The following VMP1 variants were observed in gnomAD, a reference collection of about 807,000 sequenced individuals.
VMP1 encodes vacuole membrane protein 1.
VMP1 carries 11 observed loss-of-function variants against 56.0 expected under a neutral mutation model. The ratio of observed to expected loss-of-function variants is 0.20; its 90% CI spans 0.12 to 0.32. The LOEUF is 0.32. Among genes scored for constraint, VMP1 ranks in the 10% least tolerant of loss-of-function variants. The pLI, the probability that VMP1 is intolerant of heterozygous loss-of-function variation, is 1.00. For synonymous variants in VMP1, 149 were observed against 165.0 expected (o/e 0.90, Z 0.74); for missense variants, 296 against 490.3 (o/e 0.60, Z 3.74).
intron 5 of VMP1, among the ~76,000 whole-genome samples, chr17:59,751,744 CAA>C (rs932086949): frequency 1.0e-3 from 43 of 42,556 alleles, no homozygotes; most frequent in African/African-American, 4.0e-3. Flanking sequence ...AACTCCGTCT[CAA>C]AAAAAAAAAA....
rs911722462 is a variant in VMP1, at chr17:59,729,224, C to T, written c.-26-2197C>T. On this transcript the variant is annotated intron_variant, in intron 1 of 11. Coordinates refer to ENST00000262291, the MANE Select transcript of VMP1 (RefSeq NM_030938.5). Reference sequence around the variant, plus strand: ...TATAGGCTGGGCGCAGTGGCTCACGCCTGTAATCCCAGCACTTTGTGAGGC... The same window carrying T: ...TATAGGCTGGGCGCAGTGGCTCACGTCTGTAATCCCAGCACTTTGTGAGGC... Among the ~76,000 whole-genome samples, 4 of 152,306 alleles carry T rather than the reference C, an allele frequency of 2.6e-5. No individual in the cohort carries two copies. The South Asian group carries it at 8.3e-4, about 32-fold the overall frequency.
At chr17:59,821,802 G>A (rs1598443030) in intron 10 of VMP1, among the ~76,000 whole-genome samples, 1 of 150,488 alleles carries the variant, frequency 6.6e-6, no homozygotes, top group Non-Finnish European at 1.5e-5. Context: ...CACCTGCCTG[G>A]GACTCCCAAA....
intron 1 of VMP1, among the ~76,000 whole-genome samples, chr17:59,722,241 A>G (rs1420830499): frequency 6.6e-6 from 1 of 152,180 alleles, no homozygotes; most frequent in Non-Finnish European, 1.5e-5. Context: ...TCAGATTATA[A>G]ACAAAATACT....
At chr17:59,792,433 A>G (rs547050155) in intron 7 of VMP1, among the ~76,000 whole-genome samples, 209 of 152,264 alleles carry the variant, frequency 1.4e-3, no homozygotes, top group African/African-American at 4.7e-3. Context: ...TAGTTTTCAT[A>G]GCTTTGCTTG....
At chr17:59,771,919 G>A (rs2036441247) in intron 6 of VMP1, among the ~76,000 whole-genome samples, 1 of 151,872 alleles carries the variant, frequency 6.6e-6, no homozygotes, top group South Asian at 2.1e-4. Flanking sequence ...TTTGGTTTTT[G>A]CCTATATCCA....
At chr17:59,795,040 C>G (rs1041195946) in intron 7 of VMP1, among the ~76,000 whole-genome samples, 1 of 137,762 alleles carries the variant, frequency 7.3e-6, no homozygotes, top group Admixed American at 8.0e-5. Flanking sequence ...CCTTGTCGCT[C>G]AAGCTGGAAT....
intron 10 of VMP1, 65 bp from the exon 11 acceptor site, chr17:59,838,230 A>G: frequency 7.1e-7 from 1 of 1,407,002 alleles, no homozygotes; most frequent in Non-Finnish European, 9.9e-7. Context: ...CATTTTCTTT[A>G]ACGTTTTTCC....
rs3064256 is a variant in VMP1 at position 59,713,683 on chromosome 17, C to CT, written c.-27+5954dup. 9.7e-3 allele frequency among the ~76,000 whole-genome samples: 1,051 copies of CT among 108,606 alleles called. 11 individuals are homozygous for CT. The highest frequency in any genetic ancestry group is 0.016 in the East Asian group (62 of 3,968). 71.2% of individuals were successfully genotyped at this position (108,606 alleles called of 152,430 possible). On this transcript the variant is annotated intron_variant, in intron 1 of 11. Transcript: ENST00000262291. ...GACAACATGGCAAAACCCCATCTCT[C>CT]TTTTTTTTTTTTTTTTTTTGTTAAA...
intron 10 of VMP1, among the ~76,000 whole-genome samples, chr17:59,829,227 A>G (rs1157922158): frequency 6.6e-6 from 1 of 152,166 alleles, no homozygotes; most frequent in Non-Finnish European, 1.5e-5. Flanking sequence ...CTTTTTTACT[A>G]GGTTAAATAT....
At chr17:59,790,720 G>T (rs2037194709) in intron 7 of VMP1, among the ~76,000 whole-genome samples, 1 of 152,158 alleles carries the variant, frequency 6.6e-6, no homozygotes, top group Admixed American at 6.5e-5. Context: ...GAACCCAGGG[G>T]GCAGAGGCTG....
chr17:59,735,782 A>C (rs2034994293), intron 3 of VMP1: 1 of 258,904 alleles, frequency 3.9e-6, no homozygotes, highest in Non-Finnish European at 7.7e-6. Flanking sequence ...CATTGGGAGA[A>C]ATCAGGTCTG....
Position 59,735,216 on chromosome 17 carries a change from G to A in VMP1, c.77-122G>A, listed in dbSNP as rs914328630. The A allele has an allele frequency of 9.9e-6, 13 of 1,314,076 alleles. No homozygotes were observed. The Admixed American group carries it at 2.8e-4, about 28-fold the overall frequency. The allele number at this position is 1,314,076 out of a possible 1,614,324, so 81.4% of individuals were successfully genotyped here. A position where few individuals can be genotyped will look rare whatever the true frequency, so the allele number is the denominator to read the frequency against. On this transcript the variant is annotated intron_variant, in intron 2 of 11. Coordinates refer to ENST00000262291, the MANE Select transcript of VMP1 (RefSeq NM_030938.5). Reference sequence around the variant, plus strand: ...TACTACTAGTTGCCATTTTTCACAAGACTCTAGGACTTGCTATTAGTTGTT... The same window carrying A: ...TACTACTAGTTGCCATTTTTCACAAAACTCTAGGACTTGCTATTAGTTGTT...
intron 5 of VMP1, among the ~76,000 whole-genome samples, chr17:59,755,225 A>G (rs578087409): frequency 6.6e-6 from 1 of 151,224 alleles, no homozygotes; most frequent in South Asian, 2.1e-4. Flanking sequence ...CTCCTGCCTC[A>G]CCCTCCCGAA....
At position 59,840,361 on chromosome 17, in the gene VMP1, C is replaced by G. The variant is rs1261795007; in HGVS notation, c.*450C>G. On this transcript the variant is annotated 3_prime_UTR_variant, in exon 12 of 12. Coordinates refer to ENST00000262291, the MANE Select transcript of VMP1 (RefSeq NM_030938.5). ...TTGGATAACAGTCTTGCATGTTTATCATGTTACAATTTAATATTCCATCCT... is the reference window on the plus strand; with the variant it reads ...TTGGATAACAGTCTTGCATGTTTATGATGTTACAATTTAATATTCCATCCT... 1 of 161,478 alleles carries G rather than the reference C, an allele frequency of 6.2e-6. No individual in the cohort carries two copies. The highest frequency in any genetic ancestry group is 2.4e-5 in the African/African-American group (1 of 41,586). The allele number at this position is 161,478 out of a possible 1,614,324, so 10.0% of individuals were successfully genotyped here.
chr17:59,769,061 C>G (rs756409600), intron 6 of VMP1, among the ~76,000 whole-genome samples: 1 of 151,338 alleles, frequency 6.6e-6, no homozygotes, highest in African/African-American at 2.4e-5. Context: ...GCAGAGGTTG[C>G]AGTGAGCCAA....
intron 1 of VMP1, among the ~76,000 whole-genome samples, chr17:59,722,249 A>G (rs1414526450): frequency 3.3e-5 from 5 of 152,178 alleles, no homozygotes; most frequent in Admixed American, 1.3e-4. Context: ...TAAACAAAAT[A>G]CTATTTGGGA....
In VMP1 at chr17:59,727,291, T is replaced by C. The variant is rs1229535832; in HGVS notation, c.-26-4130T>C. Among the ~76,000 whole-genome samples, 7 of 152,076 alleles carry C rather than the reference T, an allele frequency of 4.6e-5. No homozygotes were observed. In the East Asian group the frequency reaches 1.4e-3, roughly 29 times the overall value. ...TTGGGACTATAGGCGCCCGCCACCA[T>C]GCCTGGCTATTTTTTCGTATTTTTA... On this transcript the variant is annotated intron_variant, in intron 1 of 11. Coordinates refer to ENST00000262291, the MANE Select transcript of VMP1 (RefSeq NM_030938.5).
intron 2 of VMP1, among the ~76,000 whole-genome samples, chr17:59,732,492 C>T (rs189086958): frequency 2.0e-3 from 302 of 152,322 alleles, no homozygotes; most frequent in African/African-American, 7.0e-3. Flanking sequence ...ATCCACCCAC[C>T]TTGGCCTCCC....
intron 1 of VMP1, among the ~76,000 whole-genome samples, chr17:59,714,936 C>T (rs2034094357): frequency 1.3e-5 from 2 of 152,210 alleles, no homozygotes; most frequent in Admixed American, 1.3e-4. Context: ...CTCACCTTGG[C>T]ATCCCAATGT....
Sources: allele counts gnomAD v4.1 joint callset (sites outside exome capture counted in the v4.1 genomes callset), GRCh38; gene constraint gnomAD v4.1.1; transcripts MANE v1.5; gene names NCBI Gene and HGNC (gene_info 2026-07-23, HGNC 2026-07-21).